CCNH: variants seen among roughly 807,000 people sequenced by gnomAD.
CCNH encodes the protein cyclin H, also known as cyclin-H.
CCNH carries 31 observed loss-of-function variants against 41.9 expected under a neutral mutation model. That is an observed-to-expected ratio of 0.74 (90% CI 0.56 to 1.00). The LOEUF is 1.00. Among genes scored for constraint, CCNH ranks in the 50% least tolerant of loss-of-function variants. The probability of loss-of-function intolerance (pLI) is 0.00; values close to 1 mark genes in which losing one functional copy is unlikely to be tolerated. For missense variants in CCNH, 362 were observed against 388.4 expected (o/e 0.93, Z 0.57); for synonymous variants, 138 against 136.1 (o/e 1.01, Z -0.10).
intron 2 of CCNH, 107 bp from the exon 3 acceptor site, chr5:87,409,470 C>A (rs1764060545): frequency 1.7e-6 from 1 of 597,318 alleles, no homozygotes. Context: ...AGAGATTACC[C>A]AGAAAAATAC....
intron 9 of CCNH, among the ~76,000 whole-genome samples, chr5:87,367,946 G>C (rs1760646213): frequency 6.6e-6 from 1 of 151,444 alleles, no homozygotes; most frequent in African/African-American, 2.4e-5. Flanking sequence ...ATTTTTAGTG[G>C]GAAAACTAAA....
At chr5:87,338,383 G>A (rs1180324203) in intron 9 of CCNH, among the ~76,000 whole-genome samples, 2 of 150,132 alleles carry the variant, frequency 1.3e-5, no homozygotes, top group Non-Finnish European at 3.0e-5. Context: ...CCAGGCTAGA[G>A]TGCAGTGGCG....
intron 9 of CCNH, among the ~76,000 whole-genome samples, chr5:87,350,317 T>C (rs1161562836): frequency 6.6e-6 from 1 of 151,788 alleles, no homozygotes; most frequent in Non-Finnish European, 1.5e-5. Flanking sequence ...ACAATCTGAG[T>C]TCTAGATGTC....
chr5:87,397,356 C>T (rs1443702026), intron 7 of CCNH, among the ~76,000 whole-genome samples: 1 of 151,992 alleles, frequency 6.6e-6, no homozygotes, highest in African/African-American at 2.4e-5. Flanking sequence ...GACGGGGTTT[C>T]GCCATGTTGG....
At chr5:87,330,777 A>G (rs1580278148) in intron 9 of CCNH, among the ~76,000 whole-genome samples, 2 of 152,210 alleles carry the variant, frequency 1.3e-5, no homozygotes, top group African/African-American at 4.8e-5. Context: ...TGCAAATGTA[A>G]AATGTATAGT....
chr5:87,376,405 G>T lies in CCNH; in HGVS notation n.776C>A. 3 of 1,613,872 alleles carry T rather than the reference G, an allele frequency of 1.9e-6. No individual in the cohort carries two copies. The South Asian group carries it at 3.3e-5, about 18-fold the overall frequency. On this transcript the variant is annotated non_coding_transcript_exon_variant, in exon 1 of 1. Coordinates refer to the CCNH transcript ENST00000607486. ...TTTTCTTCCCAAGTATTTATGCGCTGCCAGTTGAGCCGATTACAGAAAGGG... is the reference window on the plus strand; with the variant it reads ...TTTTCTTCCCAAGTATTTATGCGCTTCCAGTTGAGCCGATTACAGAAAGGG...
chr5:87,318,988 C>T (rs926116627), intron 9 of CCNH: 3 of 152,314 alleles, frequency 2.0e-5, no homozygotes, highest in African/African-American at 7.2e-5. Flanking sequence ...GGAGAAATAG[C>T]CAAAACAAAT....
chr5:87,399,349 G>A (rs1763217029), intron 7 of CCNH, 45 bp downstream of exon 7: 6 of 1,346,340 alleles, frequency 4.5e-6, no homozygotes, highest in Non-Finnish European at 6.4e-6. Context: ...CAGCTGGACT[G>A]GATAACAGTT....
At chr5:87,345,747 C>G (rs982695285) in intron 9 of CCNH, among the ~76,000 whole-genome samples, 30 of 152,094 alleles carry the variant, frequency 2.0e-4, no homozygotes, top group African/African-American at 7.0e-4. Flanking sequence ...TCACACTGGA[C>G]TTTTGAGCAC....
chr5:87,411,381 A>C (rs1349321400), intron 1 of CCNH, 35 bp from the exon 2 acceptor site: 2 of 1,566,410 alleles, frequency 1.3e-6, no homozygotes, highest in Non-Finnish European at 1.7e-6. Context: ...AGTTCAATGA[A>C]TTCAATGAAT....
chr5:87,347,040 T>TA (rs1758916732), intron 9 of CCNH, among the ~76,000 whole-genome samples: 1 of 151,996 alleles, frequency 6.6e-6, no homozygotes, highest in Non-Finnish European at 1.5e-5. Flanking sequence ...CCCCTACACA[T>TA]ACACAGACAG....
intron 9 of CCNH, chr5:87,330,889 C>T (rs774525460): frequency 8.6e-6 from 10 of 1,165,352 alleles, no homozygotes; most frequent in South Asian, 6.5e-5. Context: ...GTTTTCCTGT[C>T]GCAGGGCACA....
At chr5:87,403,556 T>C (rs960608018) in intron 5 of CCNH, among the ~76,000 whole-genome samples, 1 of 152,128 alleles carries the variant, frequency 6.6e-6, no homozygotes, top group South Asian at 2.1e-4. Flanking sequence ...GGCAGGAGAC[T>C]ACTCGAGTCT....
Position 87,399,393 on chromosome 5 carries a change from C to G in CCNH, c.872+1G>C. ...TGATTAACACTGTCACATTAACTTACGTGATTACGTTAAGTGCAAGCTCAG... is the reference window on the plus strand; with the variant it reads ...TGATTAACACTGTCACATTAACTTAGGTGATTACGTTAAGTGCAAGCTCAG... On this transcript the variant is annotated splice_donor_variant, in intron 7 of 8. Coordinates refer to ENST00000256897, the MANE Select transcript of CCNH (RefSeq NM_001239.4). LOFTEE classifies it high-confidence loss of function. The G allele has an allele frequency of 6.3e-7, 1 of 1,597,298 alleles. No individual in the cohort carries two copies. Among genetic ancestry groups the G allele is most frequent in the Non-Finnish European group, 8.6e-7 (1 of 1,164,762 alleles).
rs1213713526 is a variant in CCNH at position 87,394,393 on chromosome 5, T to C, written c.*53A>G. 6 of 1,584,500 alleles carry C rather than the reference T, an allele frequency of 3.8e-6. No individual in the cohort carries two copies. The highest frequency in any genetic ancestry group is 5.2e-6 in the Non-Finnish European group (6 of 1,164,354). Reference sequence around the variant, plus strand: ...TTTTTAAATAAAGTTAAACGTTTGATATGCTTCCTACTTCTCTTGATTAGT... The same window carrying C: ...TTTTTAAATAAAGTTAAACGTTTGACATGCTTCCTACTTCTCTTGATTAGT... On this transcript the variant is annotated 3_prime_UTR_variant, in exon 9 of 9. Transcript: ENST00000256897.
intron 3 of CCNH, 82 bp from the exon 4 acceptor site, chr5:87,408,268 A>G: frequency 6.5e-6 from 4 of 617,598 alleles, no homozygotes; most frequent in Non-Finnish European, 1.1e-5. Flanking sequence ...GTATCTAAAT[A>G]ATTTATTTCT....
chr5:87,387,632 T>A (rs1554050701), downstream of CCNH, among the ~76,000 whole-genome samples: 1 of 152,134 alleles, frequency 6.6e-6, no homozygotes, highest in Non-Finnish European at 1.5e-5. Flanking sequence ...GATTGGAGAT[T>A]GAGGTGTCCA....
intron 8 of CCNH, 68 bp from the exon 9 acceptor site, chr5:87,394,552 C>T: frequency 6.3e-7 from 1 of 1,593,284 alleles, no homozygotes; most frequent in Middle Eastern, 1.7e-4. Context: ...CCTCTTACCT[C>T]CCTTTAAGAA....
At chr5:87,341,913 T>C (rs1758498635) in intron 9 of CCNH, among the ~76,000 whole-genome samples, 1 of 152,168 alleles carries the variant, frequency 6.6e-6, no homozygotes, top group Non-Finnish European at 1.5e-5. Flanking sequence ...CCTCAAGTGT[T>C]TGCTTTTTCT....
Sources: allele counts gnomAD v4.1 joint callset (sites outside exome capture counted in the v4.1 genomes callset), GRCh38; gene constraint gnomAD v4.1.1; transcripts MANE v1.5; gene names NCBI Gene and HGNC (gene_info 2026-07-23, HGNC 2026-07-21).